Variants in HAUS6 observed in about 807,000 individuals in gnomAD.
HAUS6 encodes HAUS augmin like complex subunit 6, also known as HAUS augmin-like complex subunit 6.
HAUS6 carries 80 observed loss-of-function variants against 106.8 expected under a neutral mutation model. The ratio of observed to expected loss-of-function variants is 0.75; its 90% CI spans 0.63 to 0.90. The LOEUF (loss-of-function observed/expected upper bound fraction) is 0.90, where lower values mean the gene tolerates loss of function less well. HAUS6 is among the 40% of genes least tolerant of loss of function. The pLI is 0.00. For missense variants in HAUS6, 1,155 were observed against 1,118.1 expected (o/e 1.03, Z -0.47); for synonymous variants, 356 against 379.1 (o/e 0.94, Z 0.71).
chr9:19,081,033 T>C (rs528900468), intron 8 of HAUS6, among the ~76,000 whole-genome samples: 3 of 151,918 alleles, frequency 2.0e-5, no homozygotes, highest in Non-Finnish European at 2.9e-5. Context: ...GATTGTGCCA[T>C]TGTACTCCAG....
At chr9:19,060,482 T>A (rs1045775688) in intron 14 of HAUS6, among the ~76,000 whole-genome samples, 1 of 152,214 alleles carries the variant, frequency 6.6e-6, no homozygotes, top group Non-Finnish European at 1.5e-5. Flanking sequence ...TAGATAAGAA[T>A]CTTTATGCTG....
chr9:19,078,011 T>A (rs1837048335), intron 10 of HAUS6, among the ~76,000 whole-genome samples, 165 bp downstream of exon 10: 1 of 151,712 alleles, frequency 6.6e-6, no homozygotes, highest in Non-Finnish European at 1.5e-5. Flanking sequence ...CAACAAGCTA[T>A]GATCATGCCA....
intron 1 of HAUS6, among the ~76,000 whole-genome samples, chr9:19,100,072 G>A (rs1430102299): frequency 6.6e-6 from 1 of 152,238 alleles, no homozygotes; most frequent in Admixed American, 6.5e-5. Flanking sequence ...GCAGGCGCCT[G>A]TATTCCCAGC....
intron 1 of HAUS6, among the ~76,000 whole-genome samples, chr9:19,101,087 C>A (rs144712054): frequency 6.6e-6 from 1 of 152,168 alleles, no homozygotes; most frequent in Admixed American, 6.5e-5. Context: ...TAGAAAAGAA[C>A]TGAAATGTTT....
At chr9:19,102,263 G>A (rs371499364) in intron 1 of HAUS6, among the ~76,000 whole-genome samples, 1 of 152,080 alleles carries the variant, frequency 6.6e-6, no homozygotes, top group Non-Finnish European at 1.5e-5. Context: ...GAGTTAAGCT[G>A]CTCCTCCAGT....
intron 8 of HAUS6, among the ~76,000 whole-genome samples, chr9:19,081,065 T>A: frequency 6.7e-6 from 1 of 149,840 alleles, no homozygotes. Context: ...AGAGTGAAAC[T>A]CCATCTCAAA....
chr9:19,080,401 C>G (rs956307572), intron 9 of HAUS6, 78 bp downstream of exon 9: 35 of 841,072 alleles, frequency 4.2e-5, no homozygotes, highest in Non-Finnish European at 6.6e-5. Context: ...AGCTGAAGAG[C>G]TATTAAACTT....
chr9:19,057,468 G>C (rs183515239), intron 16 of HAUS6: 1 of 154,234 alleles, frequency 6.5e-6, no homozygotes, highest in African/African-American at 2.4e-5. Context: ...CTAGCCTCTA[G>C]AACTTACTGT....
Position 19,102,404 on chromosome 9 carries a change from T to C in HAUS6, c.128+120A>G, listed in dbSNP as rs1818008923. 8 of 1,115,688 alleles carry C rather than the reference T, an allele frequency of 7.2e-6. No homozygotes were observed. In the South Asian group the frequency reaches 1.2e-4, roughly 17 times the overall value. The allele number at this position is 1,115,688 out of a possible 1,614,324, so 69.1% of individuals were successfully genotyped here. A position where few individuals can be genotyped will look rare whatever the true frequency, so the allele number is the denominator to read the frequency against. ...GAGTAGGAACTTTGGAGCCAATGCC[T>C]GGCACAGAGTAACTGCTCAACCAAT... On this transcript the variant is annotated intron_variant, in intron 1 of 16. Transcript: ENST00000380502.
intron 1 of HAUS6, among the ~76,000 whole-genome samples, chr9:19,099,264 T>TC (rs1480306676): frequency 6.6e-6 from 1 of 151,432 alleles, no homozygotes; most frequent in African/African-American, 2.4e-5. Flanking sequence ...CCTCCTGGGT[T>TC]CACGCCATTC....
chr9:19,063,123 T>C lies in HAUS6; in HGVS notation c.1514A>G (p.Glu505Gly). The change falls in exon 14 of 17, where the codon GAA (glutamate) becomes GGA (glycine). Residue 505 changes from glutamate to glycine, a missense_variant. By Grantham distance (98) the Glu-to-Gly change is moderately conservative (BLOSUM62 -2). Around this residue, in one of 3 missense-constraint regions of HAUS6, gnomAD observed 761 missense variants for 690.0 expected, o/e 1.10. Coordinates refer to ENST00000380502, the MANE Select transcript of HAUS6 (RefSeq NM_017645.5). ...TGCAACATCTGATAATGGAGAATTTTCCACTTCAAATTCTGGTATTTTCTT... is the reference window on the plus strand; with the variant it reads ...TGCAACATCTGATAATGGAGAATTTCCCACTTCAAATTCTGGTATTTTCTT... ...ISKKIPEFEV[E>G]NSPLSDVAKN... 6.2e-7 allele frequency: 1 copy of C among 1,600,232 alleles called. No homozygotes were observed. The highest frequency in any genetic ancestry group is 2.2e-5 in the East Asian group (1 of 44,826).
At chr9:19,079,005 T>C (rs1837074788) in intron 9 of HAUS6, among the ~76,000 whole-genome samples, 1 of 149,428 alleles carries the variant, frequency 6.7e-6, no homozygotes, top group Non-Finnish European at 1.5e-5. Flanking sequence ...AAAATAATAA[T>C]AATACAAAAT....
intron 12 of HAUS6, among the ~76,000 whole-genome samples, chr9:19,066,267 G>C (rs1348784362): frequency 2.6e-5 from 4 of 151,866 alleles, no homozygotes; most frequent in Non-Finnish European, 5.9e-5. Context: ...GGTATACAAA[G>C]CCTAGATAAG....
At chr9:19,081,101 GGA>G (rs1491279554) in intron 8 of HAUS6, among the ~76,000 whole-genome samples, 2 of 151,584 alleles carry the variant, frequency 1.3e-5, no homozygotes, top group South Asian at 2.1e-4. Flanking sequence ...AAAAGCGGGG[GGA>G]AAAAAATCAA....
intron 11 of HAUS6, among the ~76,000 whole-genome samples, chr9:19,071,628 C>T (rs1018167825): frequency 6.9e-6 from 1 of 143,916 alleles, no homozygotes; most frequent in African/African-American, 2.6e-5. Context: ...AGGCTGACTG[C>T]AGTACCACAA....
At chr9:19,064,065 T>A (rs1836704158) in intron 12 of HAUS6, among the ~76,000 whole-genome samples, 1 of 151,852 alleles carries the variant, frequency 6.6e-6, no homozygotes, top group South Asian at 2.1e-4. Flanking sequence ...CCTCCCAGGT[T>A]CAAGCGATTC....
chr9:19,079,339 C>G (rs1380444283), intron 9 of HAUS6, among the ~76,000 whole-genome samples: 2 of 150,352 alleles, frequency 1.3e-5, no homozygotes, highest in African/African-American at 4.9e-5. Context: ...TCAAGTGATT[C>G]TCCTGCCTCT....
intron 11 of HAUS6, among the ~76,000 whole-genome samples, chr9:19,071,000 G>C (rs1045004129): frequency 2.6e-5 from 4 of 152,214 alleles, no homozygotes; most frequent in African/African-American, 9.6e-5. Flanking sequence ...GATTGGTAGA[G>C]AAAGCCATGA....
rs145698822 is a variant in HAUS6, at chr9:19,085,911, C to T, written c.699+823G>A. Among the ~76,000 whole-genome samples the T allele has an allele frequency of 4.2e-3, 631 of 151,750 alleles. 3 individuals carry two copies. Among genetic ancestry groups the T allele is most frequent in the African/African-American group, 0.015 (606 of 41,360 alleles). On this transcript the variant is annotated intron_variant, in intron 7 of 16. Coordinates refer to ENST00000380502, the MANE Select transcript of HAUS6 (RefSeq NM_017645.5). ...TTTTGAATATAATTAAGCTTATGAACTATAAGTTCATTTTTCCATTATATT... is the reference window on the plus strand; with the variant it reads ...TTTTGAATATAATTAAGCTTATGAATTATAAGTTCATTTTTCCATTATATT...
Sources: allele counts gnomAD v4.1 joint callset (sites outside exome capture counted in the v4.1 genomes callset), GRCh38; gene constraint gnomAD v4.1.1; regional missense constraint gnomAD v4.1.1; transcripts MANE v1.5; gene names NCBI Gene and HGNC (gene_info 2026-07-23, HGNC 2026-07-21).